The following ZFX variants were observed in gnomAD, a reference collection of about 807,000 sequenced individuals.
ZFX encodes zinc finger protein X-linked.
For missense variants in ZFX, 362 were observed against 628.3 expected (o/e 0.58, Z 4.53); for synonymous variants, 196 against 226.8 (o/e 0.86, Z 1.22).
rs1346599624 is a variant in ZFX at position 24,208,320 on chromosome X, A to G, written c.1043A>G (p.Asp348Gly). ...GCCGCCGTGCACGAGCAGCAAATGG[A>G]TGACAATGAAATCAAAACCTTCATG... ...AAAAVHEQQM[D>G]DNEIKTFMPI... Residue 348 changes from aspartate (D) to glycine (G), a missense_variant, in exon 8 of 10, where the codon GAT (aspartate) becomes GGT (glycine). Physicochemically the swap from Asp to Gly is moderately conservative, Grantham distance 94. Transcript: ENST00000304543. 4 of 1,210,557 alleles carry G rather than the reference A, an allele frequency of 3.3e-6. No homozygotes were observed. The highest frequency in any genetic ancestry group is 4.5e-6 in the Non-Finnish European group (4 of 895,225).
At chrX:24,206,062 T>C (rs1334426998) in intron 5 of ZFX, among the ~76,000 whole-genome samples, 1 of 110,585 alleles carries the variant, frequency 9.0e-6, no homozygotes, top group Non-Finnish European at 1.9e-5. Context: ...TATGAGAATA[T>C]GTTTAAATTC....
At chrX:24,158,292 G>T (rs781246202) in intron 3 of ZFX, among the ~76,000 whole-genome samples, 2 of 110,358 alleles carry the variant, frequency 1.8e-5, no homozygotes, top group East Asian at 5.8e-4. Flanking sequence ...GGTGGTTCAC[G>T]CCTGTAACCC....
At chrX:24,154,200 A>T (rs1248538853) in intron 3 of ZFX, among the ~76,000 whole-genome samples, 1 of 112,150 alleles carries the variant, frequency 8.9e-6, no homozygotes, top group Non-Finnish European at 1.9e-5. Context: ...TGAAAATCAG[A>T]ATCACCCAGA....
rs753651828 is a variant in ZFX, at chrX:24,172,797, A to G, written c.55A>G (p.Thr19Ala). ...AGAGCCAAACTCATTTTTTGATGCA[A>G]CAGGTATAACTACTTGAATTGTTCC... ...QQEPNSFFDA[T>A]GADGTHMDGD... is the part of the protein sequence containing the mutation. The change falls in exon 4 of 10, where the codon ACA becomes GCA. Residue 19 changes from threonine to alanine, a missense_variant. By Grantham distance (58) the Thr-to-Ala change is moderately conservative. Transcript: ENST00000304543. 1 of 1,199,091 alleles carries G rather than the reference A, an allele frequency of 8.3e-7. No individual in the cohort carries two copies. Among genetic ancestry groups the G allele is most frequent in the East Asian group, 3.0e-5 (1 of 33,418 alleles).
chrX:24,204,380 T>A (rs745618618), intron 5 of ZFX, among the ~76,000 whole-genome samples: 12 of 112,332 alleles, frequency 1.1e-4, no homozygotes, highest in South Asian at 3.7e-4. Context: ...TTTGATTAGG[T>A]AAACACAGTT....
At chrX:24,183,094 C>T (rs965673389) in intron 5 of ZFX, among the ~76,000 whole-genome samples, 1 of 112,146 alleles carries the variant, frequency 8.9e-6, no homozygotes, top group Non-Finnish European at 1.9e-5. Context: ...AAGCTTTAGT[C>T]TTTAGGGGAT....
At chrX:24,206,361 C>T (rs1937576026) in intron 5 of ZFX, among the ~76,000 whole-genome samples, 1 of 110,912 alleles carries the variant, frequency 9.0e-6, no homozygotes, top group Admixed American at 9.6e-5. Flanking sequence ...GGACATTCTT[C>T]TAAGTTTTTT....
chrX:24,182,764 A>G (rs1935788231), intron 5 of ZFX, among the ~76,000 whole-genome samples: 1 of 111,383 alleles, frequency 9.0e-6, no homozygotes, highest in East Asian at 2.8e-4. Context: ...TATAGACTTA[A>G]GGGAAAAAAA....
chrX:24,183,336 C>T (rs1001299053), intron 5 of ZFX, among the ~76,000 whole-genome samples: 3 of 111,633 alleles, frequency 2.7e-5, no homozygotes, highest in African/African-American at 9.8e-5. Flanking sequence ...AGGCACTCGC[C>T]ACCATGCCCA....
Position 24,214,310 on chromosome X carries a change from A to G in ZFX, c.*2934A>G, listed in dbSNP as rs1938319343. 1 of 112,066 alleles carries G rather than the reference A, an allele frequency of 8.9e-6. No individual in the cohort carries two copies. Among genetic ancestry groups the G allele is most frequent in the Admixed American group, 9.5e-5 (1 of 10,518 alleles). The allele number at this position is 112,066 out of a possible 1,213,427, so 9.2% of individuals were successfully genotyped here. A position where few individuals can be genotyped will look rare whatever the true frequency, so the allele number is the denominator to read the frequency against. On this transcript the variant is annotated 3_prime_UTR_variant, in exon 10 of 10. Coordinates refer to ENST00000304543, the MANE Select transcript of ZFX (RefSeq NM_003410.4). ...GTACACTTTGTAAAGAAAGTAAAAT[A>G]CATAAAAAGAAAATCATATAGGGAT...
Position 24,193,534 on chromosome X carries a change from T to G in ZFX, c.646+13764T>G, listed in dbSNP as rs1414288929. Among the ~76,000 whole-genome samples the G allele has an allele frequency of 4.5e-5, 5 of 111,993 alleles. 1 individual carries two copies. The highest frequency in any genetic ancestry group is 7.5e-5 in the Non-Finnish European group (4 of 53,218). ...CACAGTGAATGTACTAAAAATCACT[T>G]AATTGTACACTTTAAAATGGATAAT... On this transcript the variant is annotated intron_variant, in intron 5 of 9. Transcript: ENST00000304543.
chrX:24,166,715 AAC>A (rs779712505), intron 3 of ZFX, among the ~76,000 whole-genome samples: 1 of 111,844 alleles, frequency 8.9e-6, no homozygotes, highest in African/African-American at 3.3e-5. Context: ...TAGACTAGAG[AAC>A]ACACACACTT....
chrX:24,185,324 G>T (rs900882883), intron 5 of ZFX, among the ~76,000 whole-genome samples: 3 of 111,964 alleles, frequency 2.7e-5, no homozygotes, highest in African/African-American at 9.7e-5. Flanking sequence ...TCCTTTCAAA[G>T]TAATGATCAT....
At chrX:24,187,819 A>G (rs1029672615) in intron 5 of ZFX, among the ~76,000 whole-genome samples, 2 of 111,420 alleles carry the variant, frequency 1.8e-5, no homozygotes, top group African/African-American at 3.3e-5. Context: ...AAACAGAAAC[A>G]GGCAATTACA....
rs1284685925 is a variant in ZFX, at chrX:24,212,356, T to TGAAA, written c.*983_*986dup. The TGAAA allele has an allele frequency of 8.9e-6, 1 of 112,238 alleles. No individual in the cohort carries two copies. Among genetic ancestry groups the TGAAA allele is most frequent in the East Asian group, 2.8e-4 (1 of 3,613 alleles). 9.2% of individuals were successfully genotyped at this position (112,238 alleles called of 1,213,427 possible). A position where few individuals can be genotyped will look rare whatever the true frequency, so the allele number is the denominator to read the frequency against. ...GAAAAGTATTAAATTTACAATAACA[T>TGAAA]GAAAGATCCAGGGATGCATGAGAGA... On this transcript the variant is annotated 3_prime_UTR_variant, in exon 10 of 10. Coordinates refer to ENST00000304543, the MANE Select transcript of ZFX (RefSeq NM_003410.4).
intron 3 of ZFX, among the ~76,000 whole-genome samples, chrX:24,156,055 C>A (rs1052863070): frequency 1.3e-4 from 14 of 111,366 alleles, no homozygotes; most frequent in African/African-American, 4.2e-4. Flanking sequence ...TGCCACCATG[C>A]CCGGTTAATT....
chrX:24,162,369 G>A (rs190938608), intron 3 of ZFX, among the ~76,000 whole-genome samples: 2 of 112,237 alleles, frequency 1.8e-5, no homozygotes, highest in African/African-American at 3.2e-5. Flanking sequence ...AATTCATACC[G>A]ATAATAGTTT....
In ZFX at chrX:24,171,815, T is replaced by TA. The variant is rs199869996; in HGVS notation, c.-28-900_-28-899insA. On this transcript the variant is annotated intron_variant, in intron 3 of 9. Transcript: ENST00000304543. Reference sequence around the variant, plus strand: ...TGTCTCCCCTCCCTGCTTACTCTATTCTGTTACTCAAGGCACTCACAGTCT... The same window carrying TA: ...TGTCTCCCCTCCCTGCTTACTCTATTACTGTTACTCAAGGCACTCACAGTCT... 9.7e-3 allele frequency among the ~76,000 whole-genome samples: 1,066 copies of TA among 110,215 alleles called. 42 individuals carry two copies. Among genetic ancestry groups the TA allele is most frequent in the Admixed American group, 0.09 (915 of 10,186 alleles).
At chrX:24,173,773 T>G (rs1934868036) in intron 4 of ZFX, 5 of 416,688 alleles carry the variant, frequency 1.2e-5, no homozygotes, top group Non-Finnish European at 2.1e-5. Flanking sequence ...TTTTTTTTTT[T>G]GGGTAGTGAC....
Sources: allele counts gnomAD v4.1 joint callset (sites outside exome capture counted in the v4.1 genomes callset), GRCh38; gene constraint gnomAD v4.1.1; transcripts MANE v1.5; gene names NCBI Gene and HGNC (gene_info 2026-07-23, HGNC 2026-07-21).